The following SHROOM3 variants were observed in gnomAD, a reference collection of about 807,000 sequenced individuals.
The protein encoded by SHROOM3 is protein Shroom3.
A neutral mutation model predicts 138.6 loss-of-function variants in SHROOM3; 47 were observed. That is an observed-to-expected ratio of 0.34 (90% confidence interval 0.27 to 0.43). SHROOM3 has a LOEUF of 0.43. Among genes scored for constraint, SHROOM3 ranks in the 20% least tolerant of loss-of-function variants. The pLI, the probability that SHROOM3 is intolerant of heterozygous loss-of-function variation, is 1.00. For missense variants in SHROOM3, 2,491 were observed against 2,596.5 expected (o/e 0.96, Z 0.88); for synonymous variants, 1,062 against 1,063.3 (o/e 1.00, Z 0.02).
rs149028713 is a variant in SHROOM3, at chr4:76,555,760, G to A, written c.320G>A (p.Arg107His). The change falls in exon 2 of 11, where the codon CGC (arginine) becomes CAC (histidine). Residue 107 changes from arginine (R) to histidine (H), a missense_variant. Physicochemically the swap from Arg to His is conservative, Grantham distance 29. Transcript: ENST00000296043. ...TACAAGACCCTCAGGCTGGTAGTGC[G>A]CAGGTAGGTGGCAGACCCCCACCCT... ...GSYKTLRLVV[R>H]RDVCTDPGHA... is the part of the protein sequence containing the mutation. 19 of 1,612,326 alleles carry A rather than the reference G, an allele frequency of 1.2e-5. No individual in the cohort carries two copies. Among genetic ancestry groups the A allele is most frequent in the East Asian group, 1.1e-4 (5 of 44,850 alleles).
chr4:76,692,872 C>T (rs145619284), intron 2 of SHROOM3, among the ~76,000 whole-genome samples: 1 of 152,322 alleles, frequency 6.6e-6, no homozygotes, highest in African/African-American at 2.4e-5. Flanking sequence ...AAGGGATTTT[C>T]TGGAATGATG....
At chr4:76,594,461 A>G (rs760035924) in intron 2 of SHROOM3, among the ~76,000 whole-genome samples, 7 of 152,242 alleles carry the variant, frequency 4.6e-5, no homozygotes, top group Non-Finnish European at 1.0e-4. Context: ...CCTAGTCTCA[A>G]GAGTCACAGA....
intron 1 of SHROOM3, among the ~76,000 whole-genome samples, chr4:76,464,800 T>A (rs1202915490): frequency 6.6e-6 from 1 of 152,166 alleles, no homozygotes; most frequent in African/African-American, 2.4e-5. Flanking sequence ...TGCACCACCA[T>A]GGTAAGATGT....
At chr4:76,439,407 A>G (rs926699160) in intron 1 of SHROOM3, among the ~76,000 whole-genome samples, 7 of 152,190 alleles carry the variant, frequency 4.6e-5, no homozygotes, top group Non-Finnish European at 1.0e-4. Flanking sequence ...TGACATATTC[A>G]CAGGTTTCAG....
At chr4:76,719,450 A>G (rs925523808) in intron 3 of SHROOM3, among the ~76,000 whole-genome samples, 19 of 152,242 alleles carry the variant, frequency 1.2e-4, no homozygotes, top group Admixed American at 6.5e-4. Context: ...GTGCTATTCT[A>G]TTTATGCTGT....
chr4:76,693,040 A>C (rs781643508), intron 2 of SHROOM3, among the ~76,000 whole-genome samples: 1 of 152,236 alleles, frequency 6.6e-6, no homozygotes, highest in Non-Finnish European at 1.5e-5. Flanking sequence ...ACAAGAGTAT[A>C]CATCCCACAT....
chr4:76,502,984 A>T (rs960016317), intron 1 of SHROOM3, among the ~76,000 whole-genome samples: 7 of 152,170 alleles, frequency 4.6e-5, no homozygotes, highest in African/African-American at 1.7e-4. Context: ...GCTATGTTCT[A>T]TCCCACTGGT....
intron 2 of SHROOM3, among the ~76,000 whole-genome samples, chr4:76,678,622 C>T (rs148293234): frequency 1.3e-4 from 20 of 152,200 alleles, no homozygotes; most frequent in African/African-American, 2.2e-4. Context: ...TCTGATATGA[C>T]GCAAAGACAT....
intron 1 of SHROOM3, among the ~76,000 whole-genome samples, chr4:76,512,735 A>G (rs11721509): frequency 0.12 from 18,147 of 152,132 alleles, 1,317 homozygotes; most frequent in East Asian, 0.25. Flanking sequence ...GGAATCATAC[A>G]TTTCTCTTTC....
chr4:76,525,551 A>G (rs982937020), intron 1 of SHROOM3, among the ~76,000 whole-genome samples: 27 of 152,334 alleles, frequency 1.8e-4, no homozygotes, highest in African/African-American at 6.5e-4. Flanking sequence ...GTTAACATGC[A>G]TTGCCCTAAT....
chr4:76,544,152 T>C (rs144154646), intron 1 of SHROOM3, among the ~76,000 whole-genome samples: 17 of 152,304 alleles, frequency 1.1e-4, no homozygotes, highest in African/African-American at 3.8e-4. Context: ...CAGGTAGCCC[T>C]TATTATCTGC....
intron 1 of SHROOM3, among the ~76,000 whole-genome samples, chr4:76,492,271 G>C (rs1477530351): frequency 1.3e-5 from 2 of 152,204 alleles, no homozygotes; most frequent in Admixed American, 6.5e-5. Context: ...GGCATGTTTA[G>C]CTCAGTGATG....
At chr4:76,640,182 G>A (rs551160340) in intron 2 of SHROOM3, among the ~76,000 whole-genome samples, 1 of 152,232 alleles carries the variant, frequency 6.6e-6, no homozygotes, top group South Asian at 2.1e-4. Flanking sequence ...GAGGGGGTGA[G>A]GGAAATAATT....
At chr4:76,769,967 C>T (rs1722294356) in intron 9 of SHROOM3, among the ~76,000 whole-genome samples, 1 of 152,126 alleles carries the variant, frequency 6.6e-6, no homozygotes, top group Admixed American at 6.5e-5. Context: ...ACTCTACCTG[C>T]CTACTTACCC....
At chr4:76,563,689 G>A (rs1328239382) in intron 2 of SHROOM3, among the ~76,000 whole-genome samples, 1 of 152,236 alleles carries the variant, frequency 6.6e-6, no homozygotes, top group Non-Finnish European at 1.5e-5. Flanking sequence ...TGGGCAGGCA[G>A]TGGGAGGTGA....
At chr4:76,647,350 C>A (rs1735845671) in intron 2 of SHROOM3, among the ~76,000 whole-genome samples, 1 of 152,054 alleles carries the variant, frequency 6.6e-6, no homozygotes, top group Non-Finnish European at 1.5e-5. Flanking sequence ...TGTTCGACAG[C>A]AGAGTGGGGT....
At chr4:76,678,234 A>G (rs568091408) in intron 2 of SHROOM3, among the ~76,000 whole-genome samples, 100 of 152,198 alleles carry the variant, frequency 6.6e-4, no homozygotes, top group Non-Finnish European at 1.2e-3. Flanking sequence ...CTTTTCAAAC[A>G]TAAATATTAA....
Position 76,691,433 on chromosome 4 carries a change from A to C in SHROOM3, c.324-18723A>C, listed in dbSNP as rs550621745. 3.9e-5 allele frequency among the ~76,000 whole-genome samples: 6 copies of C among 152,318 alleles called. No homozygotes were observed. The East Asian group carries it at 1.2e-3, about 29-fold the overall frequency. On this transcript the variant is annotated intron_variant, in intron 2 of 10. Coordinates refer to ENST00000296043, the MANE Select transcript of SHROOM3 (RefSeq NM_020859.4). ...GGGACCAAAGCAAATTAAGGTTGCC[A>C]AAAGTACCTGAGCCCAGTAGGAGGT...
rs143239231 is a variant in SHROOM3 at position 76,614,559 on chromosome 4, G to T, written c.323+58796G>T. Among the ~76,000 whole-genome samples, 291 of 152,206 alleles carry T rather than the reference G, an allele frequency of 1.9e-3. 9 individuals are homozygous for T. In the East Asian group the frequency reaches 0.05, roughly 26 times the overall value. On this transcript the variant is annotated intron_variant, in intron 2 of 10. Coordinates refer to ENST00000296043, the MANE Select transcript of SHROOM3 (RefSeq NM_020859.4). ...ACATAGGTATATATGTGCCATGGTG[G>T]TCTGCTGCACCCATCAACCTGTCAT...
Sources: gnomAD v4.1 joint callset for allele counts (sites outside exome capture counted in the v4.1 genomes callset) on GRCh38, gnomAD v4.1.1 for gene constraint, MANE v1.5 for transcripts, NCBI Gene and HGNC (gene_info 2026-07-23, HGNC 2026-07-21) for gene names.